Variants in LOXL4 observed in about 807,000 individuals in gnomAD.
LOXL4 encodes lysyl oxidase like 4, also known as lysyl oxidase homolog 4.
Under a neutral mutation model 89.1 loss-of-function variants are expected in LOXL4, and 72 were observed. The observed-to-expected ratio is 0.81, with a 90% CI of 0.67 to 0.98. The LOEUF is 0.98. Among genes scored for constraint, LOXL4 ranks in the 50% least tolerant of loss-of-function variants. The pLI is 0.00. For missense variants in LOXL4, 984 were observed against 1,017.5 expected (o/e 0.97, Z 0.45); for synonymous variants, 355 against 392.1 (o/e 0.91, Z 1.12).
chr10:98,257,389 T>C (rs1462089310), intron 8 of LOXL4, among the ~76,000 whole-genome samples: 1 of 152,150 alleles, frequency 6.6e-6, no homozygotes, highest in Non-Finnish European at 1.5e-5. Flanking sequence ...TGGCCCTCTT[T>C]CCCAGGCACC....
In LOXL4 at chr10:98,261,105, C is replaced by T. The variant is rs369676217; in HGVS notation, c.479G>A (p.Arg160Gln). 2.2e-5 allele frequency: 36 copies of T among 1,612,770 alleles called. No homozygotes were observed. Among genetic ancestry groups the T allele is most frequent in the East Asian group, 2.0e-4 (9 of 44,886 alleles). The change falls in exon 4 of 15, where the codon CGG becomes CAG. Residue 160 changes from arginine to glutamine, a missense_variant. Transcript: ENST00000260702. ...GGCACTGGCAAGGATGGGCTTGAGCCGCACCTCCTCCAGCCGCCGGCCCTG... is the reference window on the plus strand; with the variant it reads ...GGCACTGGCAAGGATGGGCTTGAGCTGCACCTCCTCCAGCCGCCGGCCCTG... ...GPQGRRLEEV[R>Q]LKPILASAKQ... is the part of the protein sequence containing the mutation.
rs1052844150 is a variant in LOXL4 at position 98,251,705 on chromosome 10, G to A, written c.1952-3C>T. ...ACATGCGTAGCGCCGCTGCAGTCCT[G>A]TAAGGAAGGGGACAGACAGGTTTTG... On this transcript the variant is annotated splice_polypyrimidine_tract_variant and splice_region_variant and intron_variant, in intron 12 of 14. Coordinates refer to ENST00000260702, the MANE Select transcript of LOXL4 (RefSeq NM_032211.7). The A allele has an allele frequency of 1.2e-6, 2 of 1,613,960 alleles. No homozygotes were observed. Among genetic ancestry groups the A allele is most frequent in the Non-Finnish European group, 1.7e-6 (2 of 1,180,026 alleles).
chr10:98,261,106 G>A lies in LOXL4; in HGVS notation c.478C>T (p.Arg160Trp), dbSNP rs201595099. The change falls in exon 4 of 15, where the codon CGG becomes TGG. Residue 160 changes from arginine (R) to tryptophan (W), a missense_variant. Physicochemically the swap from Arg to Trp is moderately radical, Grantham distance 101. Coordinates refer to ENST00000260702, the MANE Select transcript of LOXL4 (RefSeq NM_032211.7). ...GCACTGGCAAGGATGGGCTTGAGCC[G>A]CACCTCCTCCAGCCGCCGGCCCTGC... ...GPQGRRLEEV[R>W]LKPILASAKQ... 62 of 1,612,610 alleles carry A rather than the reference G, an allele frequency of 3.8e-5. No homozygotes were observed. Among genetic ancestry groups the A allele is most frequent in the East Asian group, 4.5e-5 (2 of 44,890 alleles).
rs745754863 is a variant in LOXL4, at chr10:98,262,027, C to A, written c.456+8G>T. ...TGGCTCAGACCAGAGCCTGAACAGCCTCCTCACCTGGGGCCCAAGGGCATT... is the reference window on the plus strand; with the variant it reads ...TGGCTCAGACCAGAGCCTGAACAGCATCCTCACCTGGGGCCCAAGGGCATT... On this transcript the variant is annotated splice_region_variant and intron_variant, in intron 3 of 14. Transcript: ENST00000260702. 1.2e-6 allele frequency: 2 copies of A among 1,600,386 alleles called. No homozygotes were observed. Among genetic ancestry groups the A allele is most frequent in the South Asian group, 2.2e-5 (2 of 89,776 alleles).
intron 11 of LOXL4, 21 bp from the exon 12 acceptor site, chr10:98,252,489 T>G (rs1156905160): frequency 6.4e-7 from 1 of 1,551,444 alleles, no homozygotes; most frequent in Non-Finnish European, 8.9e-7. Context: ...GGTAGAGCTG[T>G]CAGTGCGGCA....
At chr10:98,267,052 T>C (rs1386914625) in intron 1 of LOXL4, among the ~76,000 whole-genome samples, 3 of 151,710 alleles carry the variant, frequency 2.0e-5, no homozygotes, top group Non-Finnish European at 4.4e-5. Context: ...GTGAGGATAA[T>C]AACTATACAT....
chr10:98,258,954 G>A (rs1858459584), intron 6 of LOXL4, 55 bp downstream of exon 6: 5 of 1,403,418 alleles, frequency 3.6e-6, no homozygotes, highest in Middle Eastern at 2.3e-4. Flanking sequence ...CCACCAGGCA[G>A]TGTCCCGCCC....
rs772819794 is a variant in LOXL4 at position 98,262,241 on chromosome 10, T to C, written c.278-28A>G. The C allele has an allele frequency of 2.0e-5, 32 of 1,611,190 alleles. No individual in the cohort carries two copies. In the East Asian group the frequency reaches 6.9e-4, roughly 35 times the overall value. On this transcript the variant is annotated intron_variant, in intron 2 of 14. Transcript: ENST00000260702. ...GTGGAGTGGAGGTGATGCTCAAAGATGGCACAGAGAGGCAGGTCACAGGCT... is the reference window on the plus strand; with the variant it reads ...GTGGAGTGGAGGTGATGCTCAAAGACGGCACAGAGAGGCAGGTCACAGGCT...
rs1425373823 is a variant in LOXL4, at chr10:98,255,063, A to G, written c.1591+514T>C. On this transcript the variant is annotated intron_variant, in intron 10 of 14. Coordinates refer to ENST00000260702, the MANE Select transcript of LOXL4 (RefSeq NM_032211.7). ...GAATCTGGGTTTGTGGGGCAGAGCA[A>G]TGCCACAGATGGCCTTGTCCCAAAG... 3.4e-5 allele frequency among the ~76,000 whole-genome samples: 5 copies of G among 147,046 alleles called. No homozygotes were observed. The East Asian group carries it at 6.2e-4, about 18-fold the overall frequency.
intron 3 of LOXL4, 134 bp downstream of exon 3, chr10:98,261,901 C>A: frequency 1.1e-6 from 1 of 921,232 alleles, no homozygotes; most frequent in Non-Finnish European, 1.5e-6. Flanking sequence ...ACTCAGGAGT[C>A]GGCGGCCTGG....
chr10:98,259,153 G>T lies in LOXL4; in HGVS notation c.777C>A (p.Ala259=). 1 of 1,612,200 alleles carries T rather than the reference G, an allele frequency of 6.2e-7. No homozygotes were observed. The highest frequency in any genetic ancestry group is 8.5e-7 in the Non-Finnish European group (1 of 1,179,814). ...CTGGAGCCACCTGCACCTGGCAGTT[G>T]GCCATGTGGGGCTCTGTCCCCAGGC... ...VTCLGTEPHM[A]NCQVQVAPAR... is the part of the protein sequence containing the mutation. Residue 259 remains alanine (A), a synonymous_variant, in exon 6 of 15, where the codon GCC becomes GCA. Transcript: ENST00000260702.
At position 98,255,576 on chromosome 10, in the gene LOXL4, C is replaced by T. The variant is rs777891885; in HGVS notation, c.1591+1G>A. ...AGCCCTGTGAGCCCTCCGTCACTCA[C>T]TGTCCATGCAGGAGACTCCAGCCAG... On this transcript the variant is annotated splice_donor_variant, in intron 10 of 14. Coordinates refer to ENST00000260702, the MANE Select transcript of LOXL4 (RefSeq NM_032211.7). LOFTEE classifies it high-confidence loss of function. 3.8e-6 allele frequency: 6 copies of T among 1,599,884 alleles called. No individual in the cohort carries two copies. Among genetic ancestry groups the T allele is most frequent in the East Asian group, 2.3e-5 (1 of 44,380 alleles).
chr10:98,251,577 A>G lies in LOXL4; in HGVS notation c.2077T>C (p.Tyr693His), dbSNP rs761880218. 32 of 1,614,008 alleles carry G rather than the reference A, an allele frequency of 2.0e-5. No individual in the cohort carries two copies. The highest frequency in any genetic ancestry group is 6.8e-6 in the Non-Finnish European group (8 of 1,180,016). ...VDITDVGPGN[Y>H]IFQVIVNPHY... is the part of the protein sequence containing the mutation. ...CCCAGCCGCCTTACCTGGAAGATAT[A>G]ATTCCCGGGGCCCACATCTGTGATA... The change falls in exon 13 of 15, where the codon TAT (tyrosine) becomes CAT (histidine). Residue 693 changes from tyrosine to histidine, a missense_variant. Physicochemically the swap from Tyr to His is moderately conservative, Grantham distance 83 (BLOSUM62 2). Coordinates refer to ENST00000260702, the MANE Select transcript of LOXL4 (RefSeq NM_032211.7).
rs745402967 is a variant in LOXL4 at position 98,251,715 on chromosome 10, G to A, written c.1952-13C>T. 1.2e-6 allele frequency: 2 copies of A among 1,613,682 alleles called. No individual in the cohort carries two copies. The highest frequency in any genetic ancestry group is 3.3e-5 in the Admixed American group (2 of 59,942). On this transcript the variant is annotated splice_polypyrimidine_tract_variant and intron_variant, in intron 12 of 14. Transcript: ENST00000260702. Reference sequence around the variant, plus strand: ...CGCCGCTGCAGTCCTGTAAGGAAGGGGACAGACAGGTTTTGAGGCAGGACG... The same window carrying A: ...CGCCGCTGCAGTCCTGTAAGGAAGGAGACAGACAGGTTTTGAGGCAGGACG...
intron 1 of LOXL4, among the ~76,000 whole-genome samples, chr10:98,263,985 C>G (rs578182884): frequency 1.2e-4 from 18 of 151,962 alleles, no homozygotes; most frequent in Non-Finnish European, 2.4e-4. Flanking sequence ...TCCGCCTTGG[C>G]CTCCCAAAGT....
At chr10:98,257,018 G>GCTCACTGT in intron 8 of LOXL4, 71 bp from the exon 9 acceptor site, 1 of 1,536,294 alleles carries the variant, frequency 6.5e-7, no homozygotes, top group South Asian at 1.2e-5. Context: ...CGAGCCTGGA[G>GCTCACTGT]GTCTGCCCAA....
intron 5 of LOXL4, 37 bp downstream of exon 5, chr10:98,259,353 AC>A: frequency 6.2e-7 from 1 of 1,608,498 alleles, no homozygotes; most frequent in Non-Finnish European, 8.5e-7. Context: ...TTCATGCCAC[AC>A]CCCTTTGCCT....
At chr10:98,252,511 G>T in intron 11 of LOXL4, 43 bp from the exon 12 acceptor site, 1 of 1,411,324 alleles carries the variant, frequency 7.1e-7, no homozygotes, top group South Asian at 1.2e-5. Flanking sequence ...CAACAGGAGA[G>T]GGTCCTCTCT....
In LOXL4 at chr10:98,253,716, A is replaced by G; in HGVS notation, c.1672T>C (p.Cys558Arg). 6.2e-7 allele frequency: 1 copy of G among 1,614,242 alleles called. No individual in the cohort carries two copies. The highest frequency in any genetic ancestry group is 8.5e-7 in the Non-Finnish European group (1 of 1,180,040). ...GAGAGGCAGTTCTCCTCGTGGGCACAATACAGCTGGCTGAGCGGGCGGTCC... is the reference window on the plus strand; with the variant it reads ...GAGAGGCAGTTCTCCTCGTGGGCACGATACAGCTGGCTGAGCGGGCGGTCC... Reference protein sequence around the residue: ...LEDRPLSQLYCAHEENCLSKS... With the variant: ...LEDRPLSQLYRAHEENCLSKS... Residue 558 changes from cysteine (C) to arginine (R), a missense_variant, in exon 11 of 15, where the codon TGT becomes CGT. Cys to Arg is a radical substitution (Grantham distance 180). Transcript: ENST00000260702.
Sources: allele counts gnomAD v4.1 joint callset (sites outside exome capture counted in the v4.1 genomes callset), GRCh38; gene constraint gnomAD v4.1.1; transcripts MANE v1.5; gene names NCBI Gene and HGNC (gene_info 2026-07-23, HGNC 2026-07-21).